Variants in ZNF577 observed in about 807,000 individuals in gnomAD.
The protein encoded by ZNF577 is zinc finger protein 577.
In ZNF577, 14 loss-of-function variants were observed where a neutral mutation model predicts 13.9. The observed-to-expected ratio is 1.00, with a 90% CI of 0.66 to 1.57. ZNF577 has a LOEUF of 1.57. Ranked by LOEUF, ZNF577 falls within the 40% of genes most tolerant of loss-of-function variation. The pLI is 0.00. For missense variants in ZNF577, 555 were observed against 579.2 expected (o/e 0.96, Z 0.43); for synonymous variants, 203 against 202.9 (o/e 1.00, Z 0.00).
intron 8 of ZNF577, among the ~76,000 whole-genome samples, chr19:51,841,217 C>T (rs1191720224): frequency 6.6e-6 from 1 of 152,198 alleles, no homozygotes; most frequent in African/African-American, 2.4e-5. Flanking sequence ...CCCCAGGCCC[C>T]TCTCACCCAG....
chr19:51,830,410 C>T (rs2084256097), intron 9 of ZNF577, among the ~76,000 whole-genome samples: 1 of 152,130 alleles, frequency 6.6e-6, no homozygotes, highest in Admixed American at 6.5e-5. Context: ...TTCTCTACTT[C>T]CTCATTTCAC....
intron 9 of ZNF577, chr19:51,825,428 T>C (rs1287791320): frequency 6.0e-6 from 1 of 166,764 alleles, no homozygotes; most frequent in East Asian, 1.9e-4. Flanking sequence ...GTGTATAGGA[T>C]GGGATCCTCT....
At chr19:51,841,183 T>C (rs13344806) in intron 8 of ZNF577, among the ~76,000 whole-genome samples, 11,600 of 152,176 alleles carry the variant, frequency 0.076, 661 homozygotes, top group South Asian at 0.22. Flanking sequence ...TCCGCGGGAA[T>C]CGCCTCATCC....
intron 9 of ZNF577, among the ~76,000 whole-genome samples, chr19:51,820,699 T>G (rs573596492): frequency 6.6e-6 from 1 of 152,214 alleles, no homozygotes; most frequent in South Asian, 2.1e-4. Flanking sequence ...TGGGAGAGGG[T>G]TAACCATACA....
chr19:51,849,388 G>A (rs958482607), intron 5 of ZNF577, among the ~76,000 whole-genome samples: 2 of 152,168 alleles, frequency 1.3e-5, no homozygotes, highest in Non-Finnish European at 2.9e-5. Context: ...CAGTGCAATG[G>A]TGTTGGGAAG....
At chr19:51,832,513 G>A (rs1037198362) in intron 9 of ZNF577, among the ~76,000 whole-genome samples, 4 of 151,942 alleles carry the variant, frequency 2.6e-5, no homozygotes, top group Non-Finnish European at 4.4e-5. Flanking sequence ...AAACCACCAT[G>A]CCTGGCTAAT....
chr19:51,840,395 G>A (rs2084314046), intron 8 of ZNF577: 1 of 152,440 alleles, frequency 6.6e-6, no homozygotes, highest in African/African-American at 2.4e-5. Context: ...AGTGGAGCAA[G>A]GAAGTGGGAG....
At chr19:51,833,419 C>T (rs1331155334) in intron 9 of ZNF577, among the ~76,000 whole-genome samples, 2 of 143,398 alleles carry the variant, frequency 1.4e-5, no homozygotes, top group Non-Finnish European at 3.0e-5. Context: ...CTTATGCCAT[C>T]ACCGCTGGAA....
chr19:51,872,747 T>C lies in ZNF577; in HGVS notation c.1243A>G (p.Ile415Val), dbSNP rs750042263. 3 of 1,614,248 alleles carry C rather than the reference T, an allele frequency of 1.9e-6. No homozygotes were observed. Among genetic ancestry groups the C allele is most frequent in the Middle Eastern group, 1.6e-4 (1 of 6,062 alleles). ...GGGGTTCCTGAGGAAGGCATTTCTA[T>C]AGGTACTGTGTTCACAGTCTTTTGC... ...QEQKTVNTVP[I>V]EMPSSGTPPL... Residue 415 changes from isoleucine (I) to valine (V), a missense_variant, in exon 6 of 6, where the codon ATA (isoleucine) becomes GTA (valine). By Grantham distance (29) the Ile-to-Val change is conservative. Transcript: ENST00000638348.
chr19:51,849,400 G>A (rs771041884), intron 5 of ZNF577, among the ~76,000 whole-genome samples: 2 of 152,204 alleles, frequency 1.3e-5, no homozygotes, highest in East Asian at 3.8e-4. Flanking sequence ...GTTGGGAAGT[G>A]AGGCTTAATG....
chr19:51,866,112 TAAA>T, downstream of ZNF577, among the ~76,000 whole-genome samples: 1 of 139,302 alleles, frequency 7.2e-6, no homozygotes. Context: ...AGACTCCATC[TAAA>T]AAAAAAAAAA....
At chr19:51,858,832 A>T (rs1028349610) in intron 5 of ZNF577, among the ~76,000 whole-genome samples, 7 of 152,344 alleles carry the variant, frequency 4.6e-5, no homozygotes, top group Admixed American at 4.6e-4. Flanking sequence ...CTTTTTAAAT[A>T]TATTTTTCTT....
intron 9 of ZNF577, among the ~76,000 whole-genome samples, chr19:51,823,277 G>C (rs147073016): frequency 1.6e-3 from 240 of 152,208 alleles, no homozygotes; most frequent in African/African-American, 5.3e-3. Context: ...ATAGGTCAAG[G>C]GTCCTCACAG....
rs2122652203 is a variant in ZNF577, at chr19:51,871,642, G to A, written c.*890C>T. ...AACATACTTGCCTCATAATAAGATAGGGAGATTATCCTGGCTTATCTGGGT... is the reference window on the plus strand; with the variant it reads ...AACATACTTGCCTCATAATAAGATAAGGAGATTATCCTGGCTTATCTGGGT... On this transcript the variant is annotated 3_prime_UTR_variant, in exon 6 of 6. Coordinates refer to ENST00000638348, the MANE Select transcript of ZNF577 (RefSeq NM_001370449.1). 6.6e-6 allele frequency: 1 copy of A among 152,176 alleles called. No homozygotes were observed. Among genetic ancestry groups the A allele is most frequent in the East Asian group, 1.9e-4 (1 of 5,162 alleles). 9.4% of individuals were successfully genotyped at this position (152,176 alleles called of 1,614,324 possible).
rs927048453 is a variant in ZNF577 at position 51,887,101 on chromosome 19, GAAAT to G, written c.-503_-500del. The G allele has an allele frequency of 3.9e-5, 6 of 152,098 alleles. No homozygotes were observed. Among genetic ancestry groups the G allele is most frequent in the African/African-American group, 1.4e-4 (6 of 41,398 alleles). 9.4% of individuals were successfully genotyped at this position (152,098 alleles called of 1,614,324 possible). A position where few individuals can be genotyped will look rare whatever the true frequency, so the allele number is the denominator to read the frequency against. On this transcript the variant is annotated 5_prime_UTR_variant, in exon 1 of 6. It removes the in-frame stop codon of an upstream open reading frame in the 5' UTR. Coordinates refer to ENST00000638348, the MANE Select transcript of ZNF577 (RefSeq NM_001370449.1). The stretch of plus-strand genomic sequence containing the variant: ...TACAACAAAAAGTATTAACTATGTA[GAAAT>G]AAGCATAACCAGAAATGTCCAAGAT...
intron 8 of ZNF577, among the ~76,000 whole-genome samples, chr19:51,842,213 A>G (rs1045555005): frequency 5.9e-5 from 9 of 152,202 alleles, no homozygotes; most frequent in African/African-American, 2.2e-4. Context: ...CCAGAGGGAG[A>G]AAGAGAGGCA....
chr19:51,846,561 T>C lies in ZNF577; in HGVS notation c.284-1630A>G, dbSNP rs150834456. Among the ~76,000 whole-genome samples, 410 of 152,040 alleles carry C rather than the reference T, an allele frequency of 2.7e-3. 3 individuals carry two copies. The highest frequency in any genetic ancestry group is 8.9e-3 in the African/African-American group (371 of 41,456). On this transcript the variant is annotated intron_variant and NMD_transcript_variant, in intron 5 of 10. Coordinates refer to the ZNF577 transcript ENST00000638827. ...TGTCTCTACTAAAAATACAGAAAAT[T>C]AGCCAGGTGTGGTGCAAACGCCTGT... is the stretch of plus-strand genomic sequence containing the variant.
chr19:51,814,611 A>C (rs920516318), intron 9 of ZNF577, among the ~76,000 whole-genome samples: 1 of 151,988 alleles, frequency 6.6e-6, no homozygotes, highest in East Asian at 1.9e-4. Flanking sequence ...CTCCTGCCGC[A>C]GTCTCCTGAG....
At chr19:51,878,646 G>T in intron 3 of ZNF577, 131 bp from the exon 4 acceptor site, 2 of 1,171,992 alleles carry the variant, frequency 1.7e-6, no homozygotes, top group Non-Finnish European at 2.4e-6. Context: ...CATACCAAAG[G>T]ACCATGGAAT....
Sources: gnomAD v4.1 joint callset for allele counts (sites outside exome capture counted in the v4.1 genomes callset) on GRCh38, gnomAD v4.1.1 for gene constraint, MANE v1.5 for transcripts, NCBI Gene and HGNC (gene_info 2026-07-23, HGNC 2026-07-21) for gene names.